The following IFT88 variants were observed in gnomAD, a reference collection of about 807,000 sequenced individuals.
The protein encoded by IFT88 is intraflagellar transport 88, also known as intraflagellar transport protein 88 homolog.
In IFT88, 74 loss-of-function variants were observed where a neutral mutation model predicts 119.5. That is an observed-to-expected ratio of 0.62 (90% confidence interval 0.51 to 0.75). The LOEUF is 0.75. IFT88 is among the 30% of genes least tolerant of loss of function. The pLI is 0.00. For synonymous variants in IFT88, 279 were observed against 316.7 expected, an observed-to-expected ratio of 0.88 and a Z score of 1.26; for missense variants, 961 against 977.7, an observed-to-expected ratio of 0.98 and a Z score of 0.23.
rs530286013 is a variant in IFT88, at chr13:20,572,241, CAG to C, written c.-6-2136_-6-2135del. Reference sequence around the variant, plus strand: ...ATCAAGCCATCTTTTTTTTTAGAGACAGAGTCTCACTCTGTCACCCAGGTTGG... The same window carrying C: ...ATCAAGCCATCTTTTTTTTTAGAGACAGTCTCACTCTGTCACCCAGGTTGG... On this transcript the variant is annotated intron_variant, in intron 1 of 25. Coordinates refer to ENST00000351808, the MANE Select transcript of IFT88 (RefSeq NM_006531.5). Among the ~76,000 whole-genome samples the C allele has an allele frequency of 3.1e-4, 47 of 152,018 alleles. 1 individual carries two copies. The East Asian group carries it at 8.9e-3, about 29-fold the overall frequency.
chr13:20,648,309 T>C (rs2051049903), intron 20 of IFT88, among the ~76,000 whole-genome samples: 1 of 152,132 alleles, frequency 6.6e-6, no homozygotes, highest in South Asian at 2.1e-4. Flanking sequence ...GGCATGAGAA[T>C]CGCTTGAACC....
intron 22 of IFT88, among the ~76,000 whole-genome samples, chr13:20,660,069 T>A (rs1219262489): frequency 2.6e-5 from 4 of 152,224 alleles, no homozygotes; most frequent in Admixed American, 6.5e-5. Flanking sequence ...ATCCTTGATG[T>A]CGTGGAACTT....
intron 22 of IFT88, among the ~76,000 whole-genome samples, chr13:20,659,545 A>G (rs1218290439): frequency 1.3e-5 from 2 of 152,104 alleles, no homozygotes; most frequent in African/African-American, 4.8e-5. Flanking sequence ...TTACCTTCTT[A>G]TTCTGAATTA....
intron 16 of IFT88, among the ~76,000 whole-genome samples, chr13:20,635,462 G>A (rs1196220251): frequency 6.6e-6 from 1 of 152,208 alleles, no homozygotes; most frequent in Non-Finnish European, 1.5e-5. Context: ...AGCAAAGCAG[G>A]TGTGGCCAGT....
chr13:20,577,850 G>A (rs1018150153), intron 2 of IFT88, among the ~76,000 whole-genome samples: 2 of 151,834 alleles, frequency 1.3e-5, no homozygotes, highest in African/African-American at 4.8e-5. Context: ...TTTTGGTATC[G>A]GTAATACTGG....
chr13:20,688,154 G>A (rs1280282350), intron 24 of IFT88, among the ~76,000 whole-genome samples: 1 of 152,170 alleles, frequency 6.6e-6, no homozygotes, highest in Admixed American at 6.6e-5. Flanking sequence ...TGGCAAACAA[G>A]GTGAAACCCC....
chr13:20,603,408 A>G (rs1196859654), intron 12 of IFT88, among the ~76,000 whole-genome samples: 1 of 151,024 alleles, frequency 6.6e-6, no homozygotes, highest in East Asian at 1.9e-4. Context: ...AAAAAAGATT[A>G]TAAGAGTACT....
intron 1 of IFT88, among the ~76,000 whole-genome samples, chr13:20,571,237 G>A (rs1318358886): frequency 6.6e-6 from 1 of 152,140 alleles, no homozygotes; most frequent in African/African-American, 2.4e-5. Flanking sequence ...CTCGTGATCT[G>A]CCTGCCTCGG....
At chr13:20,645,293 T>C (rs1379136090) in intron 20 of IFT88, among the ~76,000 whole-genome samples, 1 of 152,124 alleles carries the variant, frequency 6.6e-6, no homozygotes, top group East Asian at 1.9e-4. Context: ...TTACACCATG[T>C]TGGCCAGGCT....
At chr13:20,683,462 C>G (rs1429587741) in intron 24 of IFT88, among the ~76,000 whole-genome samples, 1 of 152,100 alleles carries the variant, frequency 6.6e-6, no homozygotes, top group African/African-American at 2.4e-5. Flanking sequence ...AAATCTCTCC[C>G]CTATAAATTT....
At chr13:20,633,314 A>G (rs1362270277) in intron 16 of IFT88, among the ~76,000 whole-genome samples, 1 of 152,172 alleles carries the variant, frequency 6.6e-6, no homozygotes, top group Non-Finnish European at 1.5e-5. Flanking sequence ...CCTTCTTCAC[A>G]AGGAGGCAGG....
At chr13:20,688,294 A>G (rs2058161007) in intron 24 of IFT88, among the ~76,000 whole-genome samples, 1 of 152,188 alleles carries the variant, frequency 6.6e-6, no homozygotes, top group African/African-American at 2.4e-5. Flanking sequence ...TTGCAGTGAG[A>G]CAAGATCACA....
intron 24 of IFT88, among the ~76,000 whole-genome samples, chr13:20,675,203 C>T (rs1480346353): frequency 6.6e-6 from 1 of 152,004 alleles, no homozygotes; most frequent in East Asian, 1.9e-4. Context: ...CAGGCCGACA[C>T]AAGTCAGCCA....
Position 20,631,095 on chromosome 13 carries a change from A to G in IFT88, c.1379A>G (p.Tyr460Cys). ...GCTGCAACCAATCTCTCAGCCCTGT[A>G]TTATATGGTAAGTTTTTTTACTACT... ...SAAATNLSALYYMGKDFAQAS... is the reference protein window; with the variant it reads ...SAAATNLSALCYMGKDFAQAS... The change falls in exon 16 of 26, where the codon TAT becomes TGT. Residue 460 changes from tyrosine to cysteine, a missense_variant. Tyr to Cys is a radical substitution (Grantham distance 194). Transcript: ENST00000351808. 8.8e-6 allele frequency: 14 copies of G among 1,591,776 alleles called. No homozygotes were observed. Among genetic ancestry groups the G allele is most frequent in the Non-Finnish European group, 1.2e-5 (14 of 1,159,580 alleles).
chr13:20,652,054 G>C (rs140419831), intron 20 of IFT88, among the ~76,000 whole-genome samples: 13 of 152,260 alleles, frequency 8.5e-5, no homozygotes, highest in African/African-American at 3.1e-4. Context: ...AGAAGTTATT[G>C]GGGATTGTGG....
At chr13:20,573,709 G>A (rs913219042) in intron 1 of IFT88, among the ~76,000 whole-genome samples, 1 of 152,146 alleles carries the variant, frequency 6.6e-6, no homozygotes, top group East Asian at 1.9e-4. Context: ...CTGACATTAT[G>A]TGTTGTTGGT....
Position 20,597,056 on chromosome 13 carries a change from C to T in IFT88, c.531C>T (p.Val177=), listed in dbSNP as rs1297777921. Residue 177 remains valine (V), a synonymous_variant, in exon 9 of 26, where the codon GTC becomes GTT. Coordinates refer to ENST00000351808, the MANE Select transcript of IFT88 (RefSeq NM_006531.5). Reference sequence around the variant, plus strand: ...AAGATGCAGGAAGAAAAGAGAGAGTCCTGGTGAGACAGCGAGAACAAGTTA... The same window carrying T: ...AAGATGCAGGAAGAAAAGAGAGAGTTCTGGTGAGACAGCGAGAACAAGTTA... ...KAKDAGRKER[V]LVRQREQVTT... is the part of the protein sequence containing the mutation. The T allele has an allele frequency of 3.1e-6, 5 of 1,608,106 alleles. No individual in the cohort carries two copies. The highest frequency in any genetic ancestry group is 1.7e-5 in the Admixed American group (1 of 59,284).
At chr13:20,653,279 A>G (rs953909536) in intron 20 of IFT88, among the ~76,000 whole-genome samples, 1 of 152,192 alleles carries the variant, frequency 6.6e-6, no homozygotes, top group African/African-American at 2.4e-5. Context: ...TTCTACTTAG[A>G]AAGGAGATTC....
intron 2 of IFT88, among the ~76,000 whole-genome samples, chr13:20,578,553 AGTT>A (rs754290196): frequency 1.8e-4 from 27 of 150,752 alleles, no homozygotes; most frequent in Admixed American, 1.5e-3. Flanking sequence ...GTTTTGTTGT[AGTT>A]GTTGTTGTTT....
Sources: gnomAD v4.1 joint callset for allele counts (sites outside exome capture counted in the v4.1 genomes callset) on GRCh38, gnomAD v4.1.1 for gene constraint, MANE v1.5 for transcripts, NCBI Gene and HGNC (gene_info 2026-07-23, HGNC 2026-07-21) for gene names.